Variants in ACCSL observed in about 807,000 individuals in gnomAD.
ACCSL encodes the protein probable inactive 1-aminocyclopropane-1-carboxylate synthase-like protein 2.
ACCSL carries 55 observed loss-of-function variants against 61.7 expected under a neutral mutation model. That is an observed-to-expected ratio of 0.89 (90% CI 0.72 to 1.12). The LOEUF (loss-of-function observed/expected upper bound fraction) is 1.12, where lower values mean the gene tolerates loss of function less well. Ranked by LOEUF, ACCSL falls within the 50% of genes most tolerant of loss-of-function variation. The pLI is 0.00. For missense variants in ACCSL, 632 were observed against 698.0 expected, an observed-to-expected ratio of 0.91 and a Z score of 1.07; for synonymous variants, 258 against 264.3, an observed-to-expected ratio of 0.98 and a Z score of 0.23.
At chr11:43,967,425 T>C in the ACCSL span, among the ~76,000 whole-genome samples, 2 of 152,006 alleles carry the variant, frequency 1.3e-5, no homozygotes, top group Non-Finnish European at 2.9e-5. Flanking sequence ...GTGATCCACC[T>C]GCCTCAGCCT....
In ACCSL at chr11:44,048,231, T is replaced by A; in HGVS notation, c.195T>A (p.Cys65Ter). ...LEERRHTEAI[C>*]EHEALLSRLI... is the part of the protein sequence containing the mutation. ...AAAGGAGGCACACTGAGGCCATCTG[T>A]GAGCATGAAGCCCTTCTGAGTCGCT... Residue 65 changes from cysteine (C) to a stop codon, truncating the protein, a stop_gained, in exon 1 of 14, where the codon TGT becomes TGA. Coordinates refer to ENST00000378832, the MANE Select transcript of ACCSL (RefSeq NM_001031854.2). LOFTEE classifies it high-confidence loss of function. 6.2e-7 allele frequency: 1 copy of A among 1,614,162 alleles called. No homozygotes were observed. The highest frequency in any genetic ancestry group is 8.5e-7 in the Non-Finnish European group (1 of 1,180,024).
the ACCSL span, among the ~76,000 whole-genome samples, chr11:44,014,353 G>T: frequency 6.6e-6 from 1 of 152,166 alleles, no homozygotes; most frequent in African/African-American, 2.4e-5. Flanking sequence ...GCCCTTGGCA[G>T]GCGGCGATGC....
chr11:43,960,665 A>T, the ACCSL span, among the ~76,000 whole-genome samples: 1 of 151,938 alleles, frequency 6.6e-6, no homozygotes, highest in Non-Finnish European at 1.5e-5. Flanking sequence ...GCTTACAGGC[A>T]TGAGCTATCA....
upstream of ACCSL, among the ~76,000 whole-genome samples, chr11:44,047,484 T>C (rs1460107218): frequency 6.6e-6 from 1 of 152,182 alleles, no homozygotes; most frequent in Non-Finnish European, 1.5e-5. Flanking sequence ...ACTATTAAAC[T>C]CTGCCATTGT....
the ACCSL span, among the ~76,000 whole-genome samples, chr11:43,956,997 G>A: frequency 6.6e-6 from 1 of 152,202 alleles, no homozygotes; most frequent in Admixed American, 6.5e-5. Context: ...AAGATAAGGT[G>A]AAGGTTTGAA....
chr11:43,929,566 C>T, the ACCSL span, among the ~76,000 whole-genome samples: 1 of 152,144 alleles, frequency 6.6e-6, no homozygotes, highest in Admixed American at 6.5e-5. Context: ...GCCACCACGC[C>T]CGGCTCATTT....
chr11:44,041,015 T>G, the ACCSL span, among the ~76,000 whole-genome samples: 1 of 152,226 alleles, frequency 6.6e-6, no homozygotes, highest in East Asian at 1.9e-4. Flanking sequence ...CTAATGATGG[T>G]ACCCTCCTAA....
At chr11:44,016,379 G>T in the ACCSL span, among the ~76,000 whole-genome samples, 1 of 152,144 alleles carries the variant, frequency 6.6e-6, no homozygotes, top group African/African-American at 2.4e-5. Context: ...GGAAGCATCT[G>T]CTTCTGTCCT....
chr11:44,019,033 C>T, the ACCSL span, among the ~76,000 whole-genome samples: 1 of 152,166 alleles, frequency 6.6e-6, no homozygotes, highest in African/African-American at 2.4e-5. Context: ...CTAGGCATAT[C>T]ATATGAATGA....
the ACCSL span, among the ~76,000 whole-genome samples, chr11:43,932,858 G>T: frequency 2.0e-5 from 3 of 152,318 alleles, no homozygotes; most frequent in Non-Finnish European, 2.9e-5. Context: ...TCCTTCCAGG[G>T]CTCCTGACTC....
At chr11:44,014,687 G>A in the ACCSL span, among the ~76,000 whole-genome samples, 1 of 152,086 alleles carries the variant, frequency 6.6e-6, no homozygotes, top group Non-Finnish European at 1.5e-5. Flanking sequence ...TTGGAGGATG[G>A]TGACCCTAGG....
the ACCSL span, among the ~76,000 whole-genome samples, chr11:43,954,781 C>T: frequency 2.8e-4 from 42 of 152,036 alleles, no homozygotes; most frequent in Non-Finnish European, 5.4e-4. Flanking sequence ...GACGGGGTTT[C>T]TCCACGTTGG....
the ACCSL span, among the ~76,000 whole-genome samples, chr11:43,948,108 G>A: frequency 5.3e-5 from 8 of 152,182 alleles, no homozygotes; most frequent in South Asian, 1.7e-3. Context: ...CTGGCCCTGG[G>A]GGAGATGTTT....
At chr11:44,006,537 G>A in the ACCSL span, among the ~76,000 whole-genome samples, 8 of 127,496 alleles carry the variant, frequency 6.3e-5, no homozygotes, top group East Asian at 1.3e-3. Flanking sequence ...GCAGAGTCTC[G>A]CTCTGTTACC....
chr11:44,011,824 A>C, the ACCSL span, among the ~76,000 whole-genome samples: 1 of 152,092 alleles, frequency 6.6e-6, no homozygotes, highest in South Asian at 2.1e-4. Flanking sequence ...TTGAGAAGTT[A>C]AAAGAACATT....
chr11:43,927,681 T>C, the ACCSL span, among the ~76,000 whole-genome samples: 2 of 152,344 alleles, frequency 1.3e-5, no homozygotes, highest in South Asian at 4.1e-4. Context: ...CTATGCATAT[T>C]TTAAGGCTTT....
chr11:44,046,990 CTGAG>C (rs1952602419), upstream of ACCSL, among the ~76,000 whole-genome samples: 2 of 152,012 alleles, frequency 1.3e-5, no homozygotes, highest in Non-Finnish European at 2.9e-5. Flanking sequence ...GCAATTCAGT[CTGAG>C]TGATAGAGCA....
the ACCSL span, among the ~76,000 whole-genome samples, chr11:43,970,951 C>T: frequency 1.3e-5 from 2 of 152,182 alleles, no homozygotes; most frequent in South Asian, 4.2e-4. Context: ...ATGAATGAAC[C>T]CTTCTATAGA....
At chr11:44,010,716 C>T in the ACCSL span, among the ~76,000 whole-genome samples, 24 of 152,306 alleles carry the variant, frequency 1.6e-4, no homozygotes, top group Non-Finnish European at 2.8e-4. Flanking sequence ...TGATTTACTT[C>T]GTTCTCCAAA....
Sources: gnomAD v4.1 joint callset for allele counts (sites outside exome capture counted in the v4.1 genomes callset) on GRCh38, gnomAD v4.1.1 for gene constraint, MANE v1.5 for transcripts, NCBI Gene and HGNC (gene_info 2026-07-23, HGNC 2026-07-21) for gene names.